Variants in EYA4 observed in about 807,000 individuals in gnomAD.
The protein encoded by EYA4 is EYA transcriptional coactivator and phosphatase 4.
A neutral mutation model predicts 87.9 loss-of-function variants in EYA4; 31 were observed. The ratio of observed to expected loss-of-function variants is 0.35; its 90% CI spans 0.27 to 0.48. The LOEUF (loss-of-function observed/expected upper bound fraction) is 0.48. Ranked by LOEUF, EYA4 falls within the 20% of genes least tolerant of loss-of-function variation. The pLI, the probability that EYA4 is intolerant of heterozygous loss-of-function variation, is 0.99. For synonymous variants in EYA4, 263 were observed against 270.6 expected (o/e 0.97, Z 0.28); for missense variants, 678 against 761.4 (o/e 0.89, Z 1.29).
chr6:133,381,913 G>T (rs1041728278), intron 2 of EYA4, among the ~76,000 whole-genome samples: 8 of 152,076 alleles, frequency 5.3e-5, no homozygotes, highest in African/African-American at 1.7e-4. Flanking sequence ...TAATTGATAT[G>T]TTGAGACATA....
intron 3 of EYA4, among the ~76,000 whole-genome samples, chr6:133,409,819 A>G (rs929261395): frequency 6.6e-6 from 1 of 152,160 alleles, no homozygotes; most frequent in African/African-American, 2.4e-5. Context: ...AAATTTATTA[A>G]GAGTATGGAT....
intron 1 of EYA4, among the ~76,000 whole-genome samples, chr6:133,256,995 C>CA (rs1281089219): frequency 6.6e-6 from 1 of 151,796 alleles, no homozygotes; most frequent in Non-Finnish European, 1.5e-5. Flanking sequence ...CTAAGGGATT[C>CA]AATAGGACTT....
rs867854589 is a variant in EYA4 at position 133,351,184 on chromosome 6, A to T, written c.34-31208A>T. Among the ~76,000 whole-genome samples the T allele has an allele frequency of 2.0e-5, 3 of 152,176 alleles. No homozygotes were observed. In the South Asian group the frequency reaches 6.2e-4, roughly 32 times the overall value. ...TATAGTGAGGCTGCTGAAGCCCTTA[A>T]TCTAGTGTTAGTTTTGTCTTACCAT... is the stretch of plus-strand genomic sequence containing the variant. On this transcript the variant is annotated intron_variant, in intron 2 of 19. Transcript: ENST00000355286.
At chr6:133,360,673 A>T (rs148439268) in intron 2 of EYA4, 110 of 152,348 alleles carry the variant, frequency 7.2e-4, no homozygotes, top group African/African-American at 2.5e-3. Context: ...CAACACAGGT[A>T]TGGAGAGTGA....
chr6:133,372,480 A>C (rs1785344388), intron 2 of EYA4, among the ~76,000 whole-genome samples: 1 of 2,646 alleles, frequency 3.8e-4, no homozygotes, highest in Non-Finnish European at 3.1e-3. Flanking sequence ...TTTAATATAA[A>C]ATATAAAACT....
chr6:133,291,706 C>A (rs1342004281), intron 2 of EYA4, among the ~76,000 whole-genome samples: 2 of 152,178 alleles, frequency 1.3e-5, no homozygotes, highest in African/African-American at 4.8e-5. Flanking sequence ...GCTACCAACT[C>A]CAGCTTCCTA....
chr6:133,361,469 A>G (rs1274959346), intron 2 of EYA4, among the ~76,000 whole-genome samples: 1 of 152,188 alleles, frequency 6.6e-6, no homozygotes, highest in South Asian at 2.1e-4. Context: ...ATTGGAAGTA[A>G]TAAGTCTCAT....
At chr6:133,522,935 A>G in intron 17 of EYA4, 121 bp from the exon 18 acceptor site, 2 of 778,454 alleles carry the variant, frequency 2.6e-6, no homozygotes, top group South Asian at 3.0e-5. Flanking sequence ...GATAGGCAAT[A>G]GTAATGAATT....
At chr6:133,421,103 A>C (rs1790181816) in intron 3 of EYA4, among the ~76,000 whole-genome samples, 1 of 152,184 alleles carries the variant, frequency 6.6e-6, no homozygotes, top group Non-Finnish European at 1.5e-5. Flanking sequence ...ACTGTGCCTC[A>C]AGTGAAGACA....
chr6:133,462,614 T>G lies in EYA4; in HGVS notation c.581-7T>G, dbSNP rs1794497774. 1 of 1,613,898 alleles carries G rather than the reference T, an allele frequency of 6.2e-7. No homozygotes were observed. Among genetic ancestry groups the G allele is most frequent in the Admixed American group, 1.7e-5 (1 of 59,962 alleles). On this transcript the variant is annotated splice_polypyrimidine_tract_variant and splice_region_variant and intron_variant, in intron 8 of 19. Coordinates refer to ENST00000355286, the MANE Select transcript of EYA4 (RefSeq NM_004100.5). ...TAAATGGTTTACACATTCAATTTTC[T>G]GAACAGATTTGGGTGTGATGTTGCC...
chr6:133,387,169 A>G (rs1021435015), intron 3 of EYA4, among the ~76,000 whole-genome samples: 2 of 152,252 alleles, frequency 1.3e-5, no homozygotes, highest in African/African-American at 4.8e-5. Flanking sequence ...CCTAACTCCT[A>G]TTATGTAGAC....
chr6:133,311,860 ATGAG>A (rs144688983), intron 2 of EYA4, among the ~76,000 whole-genome samples: 3,222 of 152,268 alleles, frequency 0.021, 60 homozygotes, highest in African/African-American at 0.048. Flanking sequence ...ATAAATAAGA[ATGAG>A]AGAAGAAAAA....
At chr6:133,520,657 A>G (rs1279313327) in intron 17 of EYA4, among the ~76,000 whole-genome samples, 1 of 144,436 alleles carries the variant, frequency 6.9e-6, no homozygotes, top group East Asian at 2.1e-4. Context: ...TATGGAACCA[A>G]AAAAGAGCCC....
At chr6:133,286,770 G>A (rs1251290673) in intron 2 of EYA4, among the ~76,000 whole-genome samples, 1 of 152,140 alleles carries the variant, frequency 6.6e-6, no homozygotes, top group African/African-American at 2.4e-5. Flanking sequence ...TCAACAAATA[G>A]TTTTCATTTT....
At chr6:133,349,375 G>A (rs1442586982) in intron 2 of EYA4, among the ~76,000 whole-genome samples, 1 of 151,914 alleles carries the variant, frequency 6.6e-6, no homozygotes, top group East Asian at 1.9e-4. Context: ...GTGTTATGAG[G>A]GTATAGATTT....
chr6:133,271,810 T>A (rs1776714282), intron 1 of EYA4, among the ~76,000 whole-genome samples: 2 of 152,144 alleles, frequency 1.3e-5, no homozygotes. Context: ...GGCTGAGTGG[T>A]GTCCACAGAA....
In EYA4 at chr6:133,531,008, T is replaced by C; in HGVS notation, c.*2203T>C. ...AAACAAATTATCTTTACTGTATAGCTGGTTTCTTTAAATGTTGATAGAATT... is the reference window on the plus strand; with the variant it reads ...AAACAAATTATCTTTACTGTATAGCCGGTTTCTTTAAATGTTGATAGAATT... On this transcript the variant is annotated 3_prime_UTR_variant, in exon 20 of 20. Coordinates refer to ENST00000355286, the MANE Select transcript of EYA4 (RefSeq NM_004100.5). 1.5e-6 allele frequency: 2 copies of C among 1,364,938 alleles called. No homozygotes were observed. Among genetic ancestry groups the C allele is most frequent in the Non-Finnish European group, 1.9e-6 (2 of 1,061,414 alleles). The allele number at this position is 1,364,938 out of a possible 1,614,324, so 84.6% of individuals were successfully genotyped here.
intron 2 of EYA4, among the ~76,000 whole-genome samples, chr6:133,381,025 ACCT>A (rs1167544328): frequency 2.5e-5 from 2 of 81,094 alleles, no homozygotes; most frequent in Non-Finnish European, 5.0e-5. Flanking sequence ...CTCCTTCTCT[ACCT>A]CCTCCTCCTT....
chr6:133,525,072 T>G, intron 18 of EYA4, 82 bp from the exon 19 acceptor site: 1 of 1,613,678 alleles, frequency 6.2e-7, no homozygotes, highest in Non-Finnish European at 8.5e-7. Context: ...ATAACTTATG[T>G]TGTGATTGGA....
Sources: gnomAD v4.1 joint callset for allele counts (sites outside exome capture counted in the v4.1 genomes callset) on GRCh38, gnomAD v4.1.1 for gene constraint, MANE v1.5 for transcripts, NCBI Gene and HGNC (gene_info 2026-07-23, HGNC 2026-07-21) for gene names.